NANOS2: variants seen among roughly 807,000 people sequenced by gnomAD.
NANOS2 encodes nanos homolog 2.
In NANOS2, 3 loss-of-function variants were observed where a neutral mutation model predicts 6.4. The ratio of observed to expected loss-of-function variants is 0.47; its 90% CI spans 0.22 to 1.22. The LOEUF (loss-of-function observed/expected upper bound fraction) is 1.22. NANOS2 is among the 50% of genes most tolerant of loss of function. The pLI, the probability that NANOS2 is intolerant of heterozygous loss-of-function variation, is 0.22. For missense variants in NANOS2, 177 were observed against 191.0 expected (o/e 0.93, Z 0.43); for synonymous variants, 86 against 85.6 (o/e 1.00, Z -0.03).
In NANOS2 at chr19:45,914,205, G is replaced by A; in HGVS notation, c.*72C>T. ...ATTCCAAAGGGCTGGGTGACTGGAA[G>A]AGAGAGTTTAGGGACTTGGGTGGGA... On this transcript the variant is annotated 3_prime_UTR_variant, in exon 1 of 1. Transcript: ENST00000341294. 7.1e-7 allele frequency: 1 copy of A among 1,410,410 alleles called. No individual in the cohort carries two copies. The highest frequency in any genetic ancestry group is 2.4e-5 in the East Asian group (1 of 40,968). 87.4% of individuals were successfully genotyped at this position (1,410,410 alleles called of 1,614,324 possible).
In NANOS2 at chr19:45,914,031, A is replaced by AG; in HGVS notation, c.*245dup. The AG allele has an allele frequency of 1.8e-6, 1 of 550,372 alleles. No individual in the cohort carries two copies. The highest frequency in any genetic ancestry group is 3.2e-6 in the Non-Finnish European group (1 of 308,498). The allele number at this position is 550,372 out of a possible 1,614,324, so 34.1% of individuals were successfully genotyped here. A position where few individuals can be genotyped will look rare whatever the true frequency, so the allele number is the denominator to read the frequency against. On this transcript the variant is annotated 3_prime_UTR_variant, in exon 1 of 1. Coordinates refer to ENST00000341294, the MANE Select transcript of NANOS2 (RefSeq NM_001029861.3). ...GAGGGCGCTACAGGGCCGTGCAGGAAGGGTTCCCGCGGCACCAAGGACCCT... is the reference window on the plus strand; with the variant it reads ...GAGGGCGCTACAGGGCCGTGCAGGAAGGGGTTCCCGCGGCACCAAGGACCCT...
rs1269624876 is a variant in NANOS2, at chr19:45,914,315, T to C, written c.379A>G (p.Ser127Gly). Residue 127 changes from serine (S) to glycine (G), a missense_variant, in exon 1 of 1, where the codon AGC (serine) becomes GGC (glycine). Physicochemically the swap from Ser to Gly is moderately conservative, Grantham distance 56 (BLOSUM62 0). Transcript: ENST00000341294. ...NGGQQSLYRR[S>G]GRNSAGRRVK... The stretch of plus-strand genomic sequence containing the variant: ...CTGCGTCCGGCCGAGTTGCGCCCGC[T>C]GCGGCGGTAGAGGGACTGCTGGCCA... 6.2e-7 allele frequency: 1 copy of C among 1,613,584 alleles called. No homozygotes were observed. The highest frequency in any genetic ancestry group is 1.7e-5 in the Admixed American group (1 of 59,996).
rs938645988 is a variant in NANOS2, at chr19:45,913,558, T to A, written c.*719A>T. ...TTTGGGGATGGGGGCAGGTACCGGGTGCAATGGGCTGAACAAGGGGAAGAA... is the reference window on the plus strand; with the variant it reads ...TTTGGGGATGGGGGCAGGTACCGGGAGCAATGGGCTGAACAAGGGGAAGAA... On this transcript the variant is annotated 3_prime_UTR_variant, in exon 1 of 1. Transcript: ENST00000341294. The A allele has an allele frequency of 6.6e-6, 1 of 151,702 alleles. No homozygotes were observed. Among genetic ancestry groups the A allele is most frequent in the African/African-American group, 2.4e-5 (1 of 41,234 alleles). The allele number at this position is 151,702 out of a possible 1,614,324, so 9.4% of individuals were successfully genotyped here.
In NANOS2 at chr19:45,914,754, A is replaced by G; in HGVS notation, c.-61T>C. The G allele has an allele frequency of 6.6e-7, 1 of 1,511,054 alleles. No homozygotes were observed. Among genetic ancestry groups the G allele is most frequent in the Non-Finnish European group, 9.0e-7 (1 of 1,114,152 alleles). The allele number at this position is 1,511,054 out of a possible 1,614,324, so 93.6% of individuals were successfully genotyped here. A position where few individuals can be genotyped will look rare whatever the true frequency, so the allele number is the denominator to read the frequency against. ...GGCTGGGGCTGGGGGCCCGTGGGCAAGGGCAAGAGCAGCAGGCGTTTCCCA... is the reference window on the plus strand; with the variant it reads ...GGCTGGGGCTGGGGGCCCGTGGGCAGGGGCAAGAGCAGCAGGCGTTTCCCA... On this transcript the variant is annotated 5_prime_UTR_variant, in exon 1 of 1. Coordinates refer to ENST00000341294, the MANE Select transcript of NANOS2 (RefSeq NM_001029861.3).
chr19:45,914,354 A>C lies in NANOS2; in HGVS notation c.340T>G (p.Cys114Gly). The C allele has an allele frequency of 6.2e-7, 1 of 1,614,050 alleles. No homozygotes were observed. The highest frequency in any genetic ancestry group is 8.5e-7 in the Non-Finnish European group (1 of 1,179,988). Residue 114 changes from cysteine to glycine, a missense_variant, in exon 1 of 1, where the codon TGC becomes GGC. Transcript: ENST00000341294. Reference protein sequence around the residue: ...TGDQAHTLKYCPLNGGQQSLY... With the variant: ...TGDQAHTLKYGPLNGGQQSLY... ...GACTGCTGGCCACCGTTAAGCGGGC[A>C]GTACTTGAGCGTATGGGCCTGGTCA...
chr19:45,914,246 A>C lies in NANOS2; in HGVS notation c.*31T>G. 1 of 1,584,288 alleles carries C rather than the reference A, an allele frequency of 6.3e-7. No homozygotes were observed. Among genetic ancestry groups the C allele is most frequent in the Non-Finnish European group, 8.6e-7 (1 of 1,163,220 alleles). Reference sequence around the variant, plus strand: ...TTGGGTGGGATGGACCAGGAGGGTCAGGGGTGCGGGTGGTGAGCATCTCAC... The same window carrying C: ...TTGGGTGGGATGGACCAGGAGGGTCCGGGGTGCGGGTGGTGAGCATCTCAC... On this transcript the variant is annotated 3_prime_UTR_variant, in exon 1 of 1. Coordinates refer to ENST00000341294, the MANE Select transcript of NANOS2 (RefSeq NM_001029861.3).
Position 45,914,225 on chromosome 19 carries a change from G to C in NANOS2, c.*52C>G. 1 of 1,522,586 alleles carries C rather than the reference G, an allele frequency of 6.6e-7. No individual in the cohort carries two copies. The highest frequency in any genetic ancestry group is 8.9e-7 in the Non-Finnish European group (1 of 1,123,376). 94.3% of individuals were successfully genotyped at this position (1,522,586 alleles called of 1,614,324 possible). A position where few individuals can be genotyped will look rare whatever the true frequency, so the allele number is the denominator to read the frequency against. Reference sequence around the variant, plus strand: ...TGGAAGAGAGAGTTTAGGGACTTGGGTGGGATGGACCAGGAGGGTCAGGGG... The same window carrying C: ...TGGAAGAGAGAGTTTAGGGACTTGGCTGGGATGGACCAGGAGGGTCAGGGG... On this transcript the variant is annotated 3_prime_UTR_variant, in exon 1 of 1. Transcript: ENST00000341294.
chr19:45,914,212 T>C lies in NANOS2; in HGVS notation c.*65A>G, dbSNP rs1468709889. On this transcript the variant is annotated 3_prime_UTR_variant, in exon 1 of 1. Transcript: ENST00000341294. ...AGGGCTGGGTGACTGGAAGAGAGAG[T>C]TTAGGGACTTGGGTGGGATGGACCA... is the stretch of plus-strand genomic sequence containing the variant. 6.9e-7 allele frequency: 1 copy of C among 1,451,076 alleles called. No homozygotes were observed. The highest frequency in any genetic ancestry group is 2.1e-5 in the Admixed American group (1 of 47,562). The allele number at this position is 1,451,076 out of a possible 1,614,324, so 89.9% of individuals were successfully genotyped here. A position where few individuals can be genotyped will look rare whatever the true frequency, so the allele number is the denominator to read the frequency against.
In NANOS2 at chr19:45,914,120, G is replaced by A. The variant is rs1000051163; in HGVS notation, c.*157C>T. 2 of 767,816 alleles carry A rather than the reference G, an allele frequency of 2.6e-6. No homozygotes were observed. Among genetic ancestry groups the A allele is most frequent in the Non-Finnish European group, 4.1e-6 (2 of 488,466 alleles). The allele number at this position is 767,816 out of a possible 1,614,324, so 47.6% of individuals were successfully genotyped here. A position where few individuals can be genotyped will look rare whatever the true frequency, so the allele number is the denominator to read the frequency against. ...AGGTCCAAGGGGGCGGGGCTGGCCTGGCTCCCAGCAGCCTCCACTGTTTCA... is the reference window on the plus strand; with the variant it reads ...AGGTCCAAGGGGGCGGGGCTGGCCTAGCTCCCAGCAGCCTCCACTGTTTCA... On this transcript the variant is annotated 3_prime_UTR_variant, in exon 1 of 1. Coordinates refer to ENST00000341294, the MANE Select transcript of NANOS2 (RefSeq NM_001029861.3).
In NANOS2 at chr19:45,913,946, G is replaced by T; in HGVS notation, c.*331C>A. The T allele has an allele frequency of 2.8e-6, 1 of 357,594 alleles. No homozygotes were observed. Among genetic ancestry groups the T allele is most frequent in the Non-Finnish European group, 5.2e-6 (1 of 193,968 alleles). The allele number at this position is 357,594 out of a possible 1,614,324, so 22.2% of individuals were successfully genotyped here. On this transcript the variant is annotated 3_prime_UTR_variant, in exon 1 of 1. Transcript: ENST00000341294. ...CCACAAGGAACAGAGAAGTCGAAGG[G>T]GCAGGGCTCCAGTCACCAGCAGGCC...
At position 45,914,630 on chromosome 19, in the gene NANOS2, G is replaced by A. The variant is rs1411808388; in HGVS notation, c.64C>T (p.Leu22=). The A allele has an allele frequency of 3.1e-6, 5 of 1,614,236 alleles. No homozygotes were observed. The highest frequency in any genetic ancestry group is 1.1e-5 in the South Asian group (1 of 91,088). The change falls in exon 1 of 1, where the codon CTG becomes TTG. Residue 22 remains leucine, a synonymous_variant. Transcript: ENST00000341294. ...YFNLSQVVWA[L]IASRGQRLET... The stretch of plus-strand genomic sequence containing the variant: ...AGCCTTTGACCCCGACTTGCGATCA[G>A]CGCCCACACCACCTGGCTCAGGTTG...
chr19:45,913,377 C>T lies in NANOS2; in HGVS notation c.*900G>A, dbSNP rs1967432343. Reference sequence around the variant, plus strand: ...GCCATTCCCATCCGGGTACTCAAACCCCCTTCTTATCGGCGGTTCCTTGAC... The same window carrying T: ...GCCATTCCCATCCGGGTACTCAAACTCCCTTCTTATCGGCGGTTCCTTGAC... On this transcript the variant is annotated 3_prime_UTR_variant, in exon 1 of 1. Coordinates refer to ENST00000341294, the MANE Select transcript of NANOS2 (RefSeq NM_001029861.3). 1 of 152,142 alleles carries T rather than the reference C, an allele frequency of 6.6e-6. No homozygotes were observed. The highest frequency in any genetic ancestry group is 2.4e-5 in the African/African-American group (1 of 41,424). 9.4% of individuals were successfully genotyped at this position (152,142 alleles called of 1,614,324 possible). A position where few individuals can be genotyped will look rare whatever the true frequency, so the allele number is the denominator to read the frequency against.
At position 45,914,477 on chromosome 19, in the gene NANOS2, G is replaced by T; in HGVS notation, c.217C>A (p.Arg73Ser). 6.2e-7 allele frequency: 1 copy of T among 1,614,120 alleles called. No homozygotes were observed. Among genetic ancestry groups the T allele is most frequent in the Non-Finnish European group, 8.5e-7 (1 of 1,179,986 alleles). ...CNFCKHNGES[R>S]HVYSSHQLKT... The stretch of plus-strand genomic sequence containing the variant: ...AGCTGGTGTGAGGAGTAGACGTGGC[G>T]GGACTCCCCGTTGTGCTTGCAGAAG... The change falls in exon 1 of 1, where the codon CGC becomes AGC. Residue 73 changes from arginine to serine, a missense_variant. Transcript: ENST00000341294.
At position 45,914,157 on chromosome 19, in the gene NANOS2, G is replaced by A. The variant is rs1967442848; in HGVS notation, c.*120C>T. 10 of 1,021,360 alleles carry A rather than the reference G, an allele frequency of 9.8e-6. No homozygotes were observed. The highest frequency in any genetic ancestry group is 2.7e-5 in the Admixed American group (1 of 37,686). The allele number at this position is 1,021,360 out of a possible 1,614,324, so 63.3% of individuals were successfully genotyped here. On this transcript the variant is annotated 3_prime_UTR_variant, in exon 1 of 1. Coordinates refer to ENST00000341294, the MANE Select transcript of NANOS2 (RefSeq NM_001029861.3). The stretch of plus-strand genomic sequence containing the variant: ...CCTCCACTGTTTCAGGATCCAGCCA[G>A]GGTGGAGTTCTGGGGGCCAGAAATT...
Position 45,914,405 on chromosome 19 carries a change from C to G in NANOS2, c.289G>C (p.Val97Leu), listed in dbSNP as rs752417445. 2 of 1,614,182 alleles carry G rather than the reference C, an allele frequency of 1.2e-6. No homozygotes were observed. Among genetic ancestry groups the G allele is most frequent in the East Asian group, 2.2e-5 (1 of 44,890 alleles). ...CCGGTGGCCCCGCACACGGGACACA[C>G]GTAGTGCCTCAGGATGGGACACACC... ...VVVCPILRHYVCPVCGATGDQ... is the reference protein window; with the variant it reads ...VVVCPILRHYLCPVCGATGDQ... The change falls in exon 1 of 1, where the codon GTG becomes CTG. Residue 97 changes from valine to leucine, a missense_variant. Val to Leu is a conservative substitution (Grantham distance 32). Transcript: ENST00000341294.
rs1349185997 is a variant in NANOS2, at chr19:45,914,731, C to T, written c.-38G>A. On this transcript the variant is annotated 5_prime_UTR_variant, in exon 1 of 1. Transcript: ENST00000341294. ...GGGGTGGTGGGCCACAGGAGAGGGG[C>T]TGGGGCTGGGGGCCCGTGGGCAAGG... is the stretch of plus-strand genomic sequence containing the variant. 5 of 1,565,390 alleles carry T rather than the reference C, an allele frequency of 3.2e-6. No individual in the cohort carries two copies. Among genetic ancestry groups the T allele is most frequent in the African/African-American group, 2.7e-5 (2 of 73,558 alleles).
In NANOS2 at chr19:45,914,458, T is replaced by C. The variant is rs1217803983; in HGVS notation, c.236A>G (p.His79Arg). The C allele has an allele frequency of 1.2e-6, 2 of 1,614,170 alleles. No homozygotes were observed. ...CACGCCATCCGGTGTCTTCAGCTGG[T>C]GTGAGGAGTAGACGTGGCGGGACTC... is the stretch of plus-strand genomic sequence containing the variant. The part of the protein sequence containing the change: ...NGESRHVYSS[H>R]QLKTPDGVVV... The change falls in exon 1 of 1, where the codon CAC becomes CGC. Residue 79 changes from histidine to arginine, a missense_variant. Physicochemically the swap from His to Arg is conservative, Grantham distance 29. Coordinates refer to ENST00000341294, the MANE Select transcript of NANOS2 (RefSeq NM_001029861.3).
At position 45,914,282 on chromosome 19, in the gene NANOS2, G is replaced by A. The variant is rs750395701; in HGVS notation, c.412C>T (p.Arg138Cys). The A allele has an allele frequency of 2.5e-6, 4 of 1,611,628 alleles. No individual in the cohort carries two copies. Among genetic ancestry groups the A allele is most frequent in the Non-Finnish European group, 3.4e-6 (4 of 1,178,980 alleles). ...TGGTGAGCATCTCACGATGCTCAGC[G>A]CTTGACCCTGCGTCCGGCCGAGTTG... ...GRNSAGRRVK[R>C] The change falls in exon 1 of 1, where the codon CGC becomes TGC. Residue 138 changes from arginine (R) to cysteine (C), a missense_variant. Arg to Cys is a radical substitution (Grantham distance 180). Transcript: ENST00000341294.
At position 45,914,267 on chromosome 19, in the gene NANOS2, CTCACGATGCTCAGCGCTT is replaced by C; in HGVS notation, c.409_*9del. 1 of 1,603,276 alleles carries C rather than the reference CTCACGATGCTCAGCGCTT, an allele frequency of 6.2e-7. No individual in the cohort carries two copies. The highest frequency in any genetic ancestry group is 8.5e-7 in the Non-Finnish European group (1 of 1,173,762). ...GGTCAGGGGTGCGGGTGGTGAGCATCTCACGATGCTCAGCGCTTGACCCTGCGTCCGGCCGAGTTGCGC... is the reference window on the plus strand; with the variant it reads ...GGTCAGGGGTGCGGGTGGTGAGCATCGACCCTGCGTCCGGCCGAGTTGCGC... On this transcript the variant is annotated stop_lost and 3_prime_UTR_variant, in exon 1 of 1. Transcript: ENST00000341294.
Sources: gnomAD v4.1 joint callset for allele counts on GRCh38, gnomAD v4.1.1 for gene constraint, MANE v1.5 for transcripts, NCBI Gene and HGNC (gene_info 2026-07-23, HGNC 2026-07-21) for gene names.